Variants in ITGB4 observed in about 807,000 individuals in gnomAD.
ITGB4 encodes the protein integrin subunit beta 4, also known as integrin beta-4.
A neutral mutation model predicts 207.6 loss-of-function variants in ITGB4; 159 were observed. That is an observed-to-expected ratio of 0.77 (90% CI 0.67 to 0.87). The LOEUF is 0.87. ITGB4 is among the 40% of genes least tolerant of loss of function. ITGB4 has a pLI of 0.00. For synonymous variants in ITGB4, 1,020 were observed against 1,062.7 expected (o/e 0.96, Z 0.78); for missense variants, 2,278 against 2,546.8 (o/e 0.89, Z 2.27).
chr17:75,730,424 C>T lies in ITGB4; in HGVS notation c.922C>T (p.Pro308Ser), dbSNP rs2060826119. The T allele has an allele frequency of 6.2e-7, 1 of 1,614,066 alleles. No homozygotes were observed. The highest frequency in any genetic ancestry group is 8.5e-7 in the Non-Finnish European group (1 of 1,180,008). ...QYRTQDYPSVPTLVRLLAKHN... is the reference protein window; with the variant it reads ...QYRTQDYPSVSTLVRLLAKHN... ...CAGGACACAGGACTACCCGTCGGTG[C>T]CCACCCTGGTGCGCCTGCTCGCCAA... Residue 308 changes from proline (P) to serine (S), a missense_variant, in exon 8 of 40, where the codon CCC (proline) becomes TCC (serine). Coordinates refer to ENST00000200181, the MANE Select transcript of ITGB4 (RefSeq NM_000213.5).
rs1233227080 is a variant in ITGB4 at position 75,755,850 on chromosome 17, G to A, written c.4708G>A (p.Gly1570Ser). The A allele has an allele frequency of 1.3e-5, 21 of 1,601,874 alleles. No individual in the cohort carries two copies. The highest frequency in any genetic ancestry group is 2.2e-5 in the East Asian group (1 of 44,852). Residue 1570 changes from glycine (G) to serine (S), a missense_variant and splice_region_variant, in exon 35 of 40, where the codon GGT (glycine) becomes AGT (serine). Gly to Ser is a moderately conservative substitution (Grantham distance 56). Coordinates refer to ENST00000200181, the MANE Select transcript of ITGB4 (RefSeq NM_000213.5). Reference sequence around the variant, plus strand: ...TGTGGAGTACCAGCTGCTGAACGGCGGTGAGGCATGGTGGCTGCCAGGCTG... The same window carrying A: ...TGTGGAGTACCAGCTGCTGAACGGCAGTGAGGCATGGTGGCTGCCAGGCTG... ...YSVEYQLLNG[G>S]ELHRLNIPNP...
chr17:75,757,619 TCC>T lies in ITGB4; in HGVS notation c.*65_*66del. ...TCCTCCCGACTCCTCTCCCGGAGCCTCCTCAGCTACTCCATCCTTGCACCCCT... is the reference window on the plus strand; with the variant it reads ...TCCTCCCGACTCCTCTCCCGGAGCCTTCAGCTACTCCATCCTTGCACCCCT... On this transcript the variant is annotated 3_prime_UTR_variant, in exon 40 of 40. Coordinates refer to ENST00000200181, the MANE Select transcript of ITGB4 (RefSeq NM_000213.5). The T allele has an allele frequency of 6.2e-7, 1 of 1,602,092 alleles. No individual in the cohort carries two copies. The highest frequency in any genetic ancestry group is 1.1e-5 in the South Asian group (1 of 90,828).
chr17:75,757,477 C>G lies in ITGB4; in HGVS notation c.5391C>G (p.Thr1797=). The part of the protein sequence containing the change: ...EAGGSLTRHV[T]QEFVSRTLTT... ...GCGGCTCCCTCACCCGGCATGTGAC[C>G]CAGGAGTTTGTGAGCCGGACACTGA... The change falls in exon 40 of 40, where the codon ACC becomes ACG. Residue 1797 remains threonine (T), a synonymous_variant. Transcript: ENST00000200181. The G allele has an allele frequency of 6.2e-7, 1 of 1,612,936 alleles. No homozygotes were observed. The highest frequency in any genetic ancestry group is 8.5e-7 in the Non-Finnish European group (1 of 1,179,996).
At chr17:75,752,392 G>A (rs774356182) in intron 31 of ITGB4, 36 bp downstream of exon 31, 1 of 1,612,664 alleles carries the variant, frequency 6.2e-7, no homozygotes, top group East Asian at 2.2e-5. Context: ...GGCAGACCGG[G>A]CAGGGGGGCA....
At position 75,739,861 on chromosome 17, in the gene ITGB4, T is replaced by A; in HGVS notation, c.2255-19T>A. On this transcript the variant is annotated intron_variant, in intron 19 of 39. Coordinates refer to ENST00000200181, the MANE Select transcript of ITGB4 (RefSeq NM_000213.5). The surrounding 1 kb of genome is among the most constrained non-coding windows in gnomAD (Gnocchi z 5.4). ...GCGGGTCTAGGGAGGGGTGCCGTGC[T>A]GAGGACCCCATCCTGCAGGTCACAT... 2 of 1,613,292 alleles carry A rather than the reference T, an allele frequency of 1.2e-6. No individual in the cohort carries two copies. Among genetic ancestry groups the A allele is most frequent in the Non-Finnish European group, 1.7e-6 (2 of 1,179,712 alleles).
intron 26 of ITGB4, among the ~76,000 whole-genome samples, chr17:75,748,505 A>T (rs1041170462): frequency 1.3e-5 from 2 of 151,974 alleles, no homozygotes; most frequent in South Asian, 2.1e-4. Flanking sequence ...CCCCATCTCT[A>T]CTAAAAATAC....
chr17:75,740,022 G>A lies in ITGB4; in HGVS notation c.2397G>A (p.Gln799=). 2 of 1,613,102 alleles carry A rather than the reference G, an allele frequency of 1.2e-6. No individual in the cohort carries two copies. Among genetic ancestry groups the A allele is most frequent in the Middle Eastern group, 1.7e-4 (1 of 6,060 alleles). The part of the protein sequence containing the change: ...VVRWKVTNNM[Q]RPGFATHAAS... The stretch of plus-strand genomic sequence containing the variant: ...GCTGGAAGGTCACCAACAACATGCA[G>A]CGGCCTGGCTTTGCCACTCATGCCG... Residue 799 remains glutamine, a synonymous_variant, in exon 20 of 40, where the codon CAG becomes CAA. Transcript: ENST00000200181. The surrounding 1 kb of genome is among the most constrained non-coding windows in gnomAD (Gnocchi z 5.9).
rs112954953 is a variant in ITGB4, at chr17:75,754,817, T to A, written c.4558+2T>A. The A allele has an allele frequency of 6.2e-7, 1 of 1,614,018 alleles. No individual in the cohort carries two copies. Among genetic ancestry groups the A allele is most frequent in the South Asian group, 1.1e-5 (1 of 91,082 alleles). On this transcript the variant is annotated splice_donor_variant, in intron 34 of 39. Coordinates refer to ENST00000200181, the MANE Select transcript of ITGB4 (RefSeq NM_000213.5). LOFTEE classifies it high-confidence loss of function. The stretch of plus-strand genomic sequence containing the variant: ...CCCTCACCTCCGTCTCCTCCCACGG[T>A]GAGTGACCTCAGCCAACCCTGCCTC...
Position 75,756,841 on chromosome 17 carries a change from G to A in ITGB4, c.5035G>A (p.Glu1679Lys). Residue 1679 changes from glutamate to lysine, a missense_variant, in exon 37 of 40, where the codon GAG (glutamate) becomes AAG (lysine). Glu to Lys is a moderately conservative substitution (Grantham distance 56). Coordinates refer to ENST00000200181, the MANE Select transcript of ITGB4 (RefSeq NM_000213.5). The part of the protein sequence containing the change: ...GDIVGYLVTC[E>K]MAQGGGPATA... Reference sequence around the variant, plus strand: ...TATCGTCGGCTACCTGGTGACCTGTGAGATGGCCCAAGGAGGAGGTGCTGC... The same window carrying A: ...TATCGTCGGCTACCTGGTGACCTGTAAGATGGCCCAAGGAGGAGGTGCTGC... The A allele has an allele frequency of 6.2e-7, 1 of 1,612,414 alleles. No homozygotes were observed. The highest frequency in any genetic ancestry group is 8.5e-7 in the Non-Finnish European group (1 of 1,180,002).
chr17:75,750,622 C>A lies in ITGB4; in HGVS notation c.3475-58C>A. Reference sequence around the variant, plus strand: ...GTAAGGGCAGAGGTCAGAGGAGGGACAGGCAGCTTGGGTGCCTGCTGCTCC... The same window carrying A: ...GTAAGGGCAGAGGTCAGAGGAGGGAAAGGCAGCTTGGGTGCCTGCTGCTCC... On this transcript the variant is annotated intron_variant, in intron 28 of 39. Coordinates refer to ENST00000200181, the MANE Select transcript of ITGB4 (RefSeq NM_000213.5). The surrounding 1 kb of genome is among the most constrained non-coding windows in gnomAD (Gnocchi z 5.5). 2 of 1,489,178 alleles carry A rather than the reference C, an allele frequency of 1.3e-6. No homozygotes were observed. The highest frequency in any genetic ancestry group is 1.9e-6 in the Non-Finnish European group (2 of 1,073,966). The allele number at this position is 1,489,178 out of a possible 1,614,324, so 92.2% of individuals were successfully genotyped here.
intron 35 of ITGB4, 97 bp downstream of exon 35, chr17:75,755,947 C>G (rs1166731714): frequency 6.9e-7 from 1 of 1,440,992 alleles, no homozygotes; most frequent in Non-Finnish European, 9.4e-7. Flanking sequence ...GGAACCCACC[C>G]AAGTCCCTTG....
intron 1 of ITGB4, 31 bp from the exon 2 acceptor site, chr17:75,724,663 G>A (rs766074905): frequency 6.8e-7 from 1 of 1,474,672 alleles, no homozygotes; most frequent in Non-Finnish European, 9.5e-7. Flanking sequence ...GGCTGTGGAG[G>A]CCTCATGTGT....
rs754012248 is a variant in ITGB4, at chr17:75,727,525, G to A, written c.264+20G>A. The A allele has an allele frequency of 6.2e-7, 1 of 1,611,268 alleles. No homozygotes were observed. Among genetic ancestry groups the A allele is most frequent in the South Asian group, 1.1e-5 (1 of 90,864 alleles). ...ACAGAGGTGCCTGGTGTGGGGACTGGGGTGGGGGCTCCCCATGCTCAGCCT... is the reference window on the plus strand; with the variant it reads ...ACAGAGGTGCCTGGTGTGGGGACTGAGGTGGGGGCTCCCCATGCTCAGCCT... On this transcript the variant is annotated intron_variant, in intron 4 of 39. Coordinates refer to ENST00000200181, the MANE Select transcript of ITGB4 (RefSeq NM_000213.5). The surrounding 1 kb of genome is among the most constrained non-coding windows in gnomAD (Gnocchi z 6.0).
At chr17:75,728,225 G>C in intron 5 of ITGB4, 152 bp from the exon 6 acceptor site, 1 of 694,530 alleles carries the variant, frequency 1.4e-6, no homozygotes. Context: ...CCATAAATAG[G>C]AACAGACAAT....
Position 75,736,354 on chromosome 17 carries a change from A to G in ITGB4, c.1828A>G (p.Thr610Ala). The G allele has an allele frequency of 6.2e-7, 1 of 1,614,110 alleles. No homozygotes were observed. Among genetic ancestry groups the G allele is most frequent in the East Asian group, 2.2e-5 (1 of 44,874 alleles). Reference sequence around the variant, plus strand: ...CCACTGCCACCAGCAGTCGCTCTACACGGACACCATCTGCGAGATCAACTA... The same window carrying G: ...CCACTGCCACCAGCAGTCGCTCTACGCGGACACCATCTGCGAGATCAACTA... ...RCHCHQQSLY[T>A]DTICEINYSA... Residue 610 changes from threonine to alanine, a missense_variant, in exon 15 of 40, where the codon ACG (threonine) becomes GCG (alanine). Physicochemically the swap from Thr to Ala is moderately conservative, Grantham distance 58. Transcript: ENST00000200181.
chr17:75,736,694 G>T lies in ITGB4; in HGVS notation c.1990G>T (p.Ala664Ser), dbSNP rs762386616. 9 of 1,592,944 alleles carry T rather than the reference G, an allele frequency of 5.6e-6. No individual in the cohort carries two copies. Residue 664 changes from alanine to serine, a missense_variant and splice_region_variant, in exon 16 of 40, where the codon GCC becomes TCC. Transcript: ENST00000200181. ...KVKMVDELKR[A>S]EEVVVRCSFR... is the part of the protein sequence containing the mutation. ...CAAGATGGTGGACGAGCTTAAGAGA[G>T]GTAGGGGCAGGGGCTGAGGGTTGGG...
chr17:75,733,504 G>T lies in ITGB4; in HGVS notation c.1469G>T (p.Cys490Phe). The T allele has an allele frequency of 2.5e-6, 4 of 1,613,262 alleles. No individual in the cohort carries two copies. The South Asian group carries it at 4.4e-5, about 18-fold the overall frequency. ...VCSEGWSGQT[C>F]NCSTGSLSDI... ...TCCTCCTTCAGGAGTGGCCAGACCTGCAACTGCTCCACCGGCTCTCTGAGT... is the reference window on the plus strand; with the variant it reads ...TCCTCCTTCAGGAGTGGCCAGACCTTCAACTGCTCCACCGGCTCTCTGAGT... The change falls in exon 13 of 40, where the codon TGC (cysteine) becomes TTC (phenylalanine). Residue 490 changes from cysteine (C) to phenylalanine (F), a missense_variant. Physicochemically the swap from Cys to Phe is radical, Grantham distance 205 (BLOSUM62 -2). Coordinates refer to ENST00000200181, the MANE Select transcript of ITGB4 (RefSeq NM_000213.5).
At chr17:75,755,139 G>C (rs1461170287) in intron 34 of ITGB4, 2 of 1,611,682 alleles carry the variant, frequency 1.2e-6, no homozygotes, top group African/African-American at 2.7e-5. Context: ...CAGATGAAAG[G>C]GTTCCCCCCT....
At position 75,752,313 on chromosome 17, in the gene ITGB4, G is replaced by C; in HGVS notation, c.3933G>C (p.Glu1311Asp). The C allele has an allele frequency of 3.7e-6, 6 of 1,613,070 alleles. No homozygotes were observed. Among genetic ancestry groups the C allele is most frequent in the Non-Finnish European group, 5.1e-6 (6 of 1,179,942 alleles). Reference protein sequence around the residue: ...RNGAGWGPEREAIINLATQPK... With the variant: ...RNGAGWGPERDAIINLATQPK... ...GGGCCGGCTGGGGGCCTGAGCGGGA[G>C]GCCATCATCAACCTGGCCACCCAGC... The change falls in exon 31 of 40, where the codon GAG becomes GAC. Residue 1311 changes from glutamate (E) to aspartate (D), a missense_variant. Physicochemically the swap from Glu to Asp is conservative, Grantham distance 45 (BLOSUM62 2). Coordinates refer to ENST00000200181, the MANE Select transcript of ITGB4 (RefSeq NM_000213.5).
Sources: gnomAD v4.1 joint callset for allele counts (sites outside exome capture counted in the v4.1 genomes callset) on GRCh38, gnomAD v4.1.1 for gene constraint, Gnocchi (gnomAD v3.1) non-coding constraint, MANE v1.5 for transcripts, NCBI Gene and HGNC (gene_info 2026-07-23, HGNC 2026-07-21) for gene names.